JADE1: variants seen among roughly 807,000 people sequenced by gnomAD.
JADE1 encodes jade family PHD finger 1.
A neutral mutation model predicts 81.8 loss-of-function variants in JADE1; 14 were observed. The observed-to-expected ratio is 0.17, with a 90% CI of 0.11 to 0.27. JADE1 has a LOEUF of 0.27. JADE1 is among the 10% of genes least tolerant of loss of function. JADE1 has a pLI of 1.00. For missense variants in JADE1, 690 were observed against 1,047.9 expected (o/e 0.66, Z 4.71); for synonymous variants, 353 against 391.9 (o/e 0.90, Z 1.17).
chr4:128,874,908 C>CTTA lies in JADE1; in HGVS notation c.*2649_*2651dup, dbSNP rs1732459941. 1.3e-5 allele frequency: 2 copies of CTTA among 151,656 alleles called. No homozygotes were observed. Among genetic ancestry groups the CTTA allele is most frequent in the South Asian group, 4.2e-4 (2 of 4,784 alleles). 9.4% of individuals were successfully genotyped at this position (151,656 alleles called of 1,614,324 possible). A position where few individuals can be genotyped will look rare whatever the true frequency, so the allele number is the denominator to read the frequency against. ...AGGGTTTTATGTGTTGTGTACAAAT[C>CTTA]TTATTTTGAAATGGACAAACTTGTC... On this transcript the variant is annotated 3_prime_UTR_variant, in exon 11 of 11. Transcript: ENST00000226319.
chr4:128,834,453 A>T (rs916912343), intron 2 of JADE1, among the ~76,000 whole-genome samples: 1 of 150,004 alleles, frequency 6.7e-6, no homozygotes, highest in African/African-American at 2.5e-5. Context: ...CTGAGATTGG[A>T]GGTTAGGGCT....
intron 2 of JADE1, among the ~76,000 whole-genome samples, chr4:128,835,083 G>A (rs17013765): frequency 0.023 from 3,560 of 152,224 alleles, 124 homozygotes; most frequent in African/African-American, 0.077. Flanking sequence ...TCACAAGTCT[G>A]TACTGGCCTC....
At chr4:128,868,523 CT>C (rs1560782165) in intron 10 of JADE1, among the ~76,000 whole-genome samples, 1 of 152,078 alleles carries the variant, frequency 6.6e-6, no homozygotes, top group Non-Finnish European at 1.5e-5. Flanking sequence ...TATTTAGTGT[CT>C]TCTATTTTAT....
chr4:128,855,266 T>G (rs1730695007), intron 6 of JADE1, among the ~76,000 whole-genome samples: 2 of 152,238 alleles, frequency 1.3e-5, no homozygotes, highest in African/African-American at 2.4e-5. Context: ...TACTGAGGAC[T>G]TACTGCTCAA....
At position 128,871,614 on chromosome 4, in the gene JADE1, A is replaced by G. The variant is rs1385368042; in HGVS notation, c.1881A>G (p.Pro627=). The G allele has an allele frequency of 3.1e-6, 5 of 1,614,250 alleles. No individual in the cohort carries two copies. The South Asian group carries it at 3.3e-5, about 11-fold the overall frequency. Residue 627 remains proline, a synonymous_variant, in exon 11 of 11, where the codon CCA becomes CCG. Coordinates refer to ENST00000226319, the MANE Select transcript of JADE1 (RefSeq NM_199320.4). This position sits in a 1 kb window ranked among gnomAD's most constrained non-coding sequence, Gnocchi z 4.1. ...LCGRREGMVV[P]ESFLGLEKTF... is the part of the protein sequence containing the mutation. ...GTAGAAGGGAGGGGATGGTGGTCCC[A>G]GAGAGCTTTTTGGGTTTAGAAAAGA... is the stretch of plus-strand genomic sequence containing the variant.
rs1196986470 is a variant in JADE1 at position 128,872,858 on chromosome 4, G to A, written c.*596G>A. 2.2e-6 allele frequency: 1 copy of A among 452,012 alleles called. No homozygotes were observed. The highest frequency in any genetic ancestry group is 1.6e-5 in the South Asian group (1 of 64,042). The allele number at this position is 452,012 out of a possible 1,614,324, so 28.0% of individuals were successfully genotyped here. On this transcript the variant is annotated 3_prime_UTR_variant, in exon 11 of 11. Transcript: ENST00000226319. The stretch of plus-strand genomic sequence containing the variant: ...GAGAATTTTAAAAAAGGTCATTATT[G>A]AAGAAGCTGAGGGGACAGGGTAGAG...
At chr4:128,841,647 A>G (rs1729442141) in intron 2 of JADE1, among the ~76,000 whole-genome samples, 1 of 152,198 alleles carries the variant, frequency 6.6e-6, no homozygotes, top group Non-Finnish European at 1.5e-5. Context: ...TCTTATGTGA[A>G]GGTGAAACTG....
intron 9 of JADE1, chr4:128,863,655 G>T: frequency 9.1e-6 from 9 of 985,410 alleles, no homozygotes; most frequent in Non-Finnish European, 1.1e-5. Context: ...AGGCTTTTGT[G>T]CTCCCATACG....
intron 1 of JADE1, among the ~76,000 whole-genome samples, chr4:128,810,639 G>GT (rs1579069135): frequency 6.7e-6 from 1 of 148,200 alleles, no homozygotes; most frequent in East Asian, 2.0e-4. Context: ...GTGTGCGTAG[G>GT]TACATCTGTG....
chr4:128,839,225 C>T (rs1270943537), intron 2 of JADE1, among the ~76,000 whole-genome samples: 1 of 152,116 alleles, frequency 6.6e-6, no homozygotes, highest in Non-Finnish European at 1.5e-5. Flanking sequence ...TTTGGTACAA[C>T]AAGAAAATGA....
rs76122925 is a variant in JADE1, at chr4:128,827,816, T to A, written c.-26-3917T>A. 1,200 of 953,560 alleles carry A rather than the reference T, an allele frequency of 1.3e-3. 15 individuals carry two copies. In the African/African-American group the frequency reaches 0.02, roughly 16 times the overall value. 59.1% of individuals were successfully genotyped at this position (953,560 alleles called of 1,614,324 possible). Reference sequence around the variant, plus strand: ...GGGACTTCAGAGAGTCATAACATTATGAATCAGTAAACCTTGGCAATTGGC... The same window carrying A: ...GGGACTTCAGAGAGTCATAACATTAAGAATCAGTAAACCTTGGCAATTGGC... On this transcript the variant is annotated intron_variant, in intron 1 of 10. Transcript: ENST00000226319.
intron 9 of JADE1, chr4:128,863,550 T>G (rs766011432): frequency 1.1e-5 from 11 of 985,400 alleles, no homozygotes; most frequent in Non-Finnish European, 1.3e-5. Flanking sequence ...GAGTGCCAGC[T>G]TATTTGTGAT....
intron 1 of JADE1, among the ~76,000 whole-genome samples, chr4:128,824,114 T>C (rs551655331): frequency 6.6e-6 from 1 of 152,290 alleles, no homozygotes; most frequent in Admixed American, 6.5e-5. Flanking sequence ...ATTTGAACTA[T>C]GTGAACTTAA....
Position 128,873,806 on chromosome 4 carries a change from A to G in JADE1, c.*1544A>G, listed in dbSNP as rs1732380220. 6.6e-6 allele frequency: 1 copy of G among 152,616 alleles called. No individual in the cohort carries two copies. The highest frequency in any genetic ancestry group is 2.4e-5 in the African/African-American group (1 of 41,460). 9.5% of individuals were successfully genotyped at this position (152,616 alleles called of 1,614,324 possible). A position where few individuals can be genotyped will look rare whatever the true frequency, so the allele number is the denominator to read the frequency against. On this transcript the variant is annotated 3_prime_UTR_variant, in exon 11 of 11. Transcript: ENST00000226319. ...GCAGGGACATTATGATACTTAATGA[A>G]TAATGCTTTGAGGAGTTCTGCAGTT...
intron 4 of JADE1, among the ~76,000 whole-genome samples, chr4:128,847,959 G>A (rs992469140): frequency 6.6e-6 from 1 of 152,112 alleles, no homozygotes; most frequent in Non-Finnish European, 1.5e-5. Context: ...GTTCCAAGTC[G>A]GGAGTGATTT....
chr4:128,812,125 C>CG (rs1375043694), intron 1 of JADE1, among the ~76,000 whole-genome samples: 3 of 151,672 alleles, frequency 2.0e-5, no homozygotes, highest in Non-Finnish European at 4.4e-5. Context: ...GCTGCCGCGG[C>CG]GGGGGGTGGC....
intron 1 of JADE1, chr4:128,811,151 G>A (rs1016290448): frequency 2.0e-5 from 3 of 152,304 alleles, no homozygotes; most frequent in Non-Finnish European, 4.4e-5. Context: ...GAGAGGGATG[G>A]AATGTGGAAT....
chr4:128,825,322 G>A (rs765612477), intron 1 of JADE1, among the ~76,000 whole-genome samples: 62 of 152,296 alleles, frequency 4.1e-4, no homozygotes, highest in Middle Eastern at 3.4e-3. Flanking sequence ...TTACAGGCGT[G>A]AGCCACTGTG....
chr4:128,849,274 C>A, intron 5 of JADE1, 107 bp downstream of exon 5: 1 of 907,058 alleles, frequency 1.1e-6, no homozygotes, highest in South Asian at 1.8e-5. Flanking sequence ...GCAGGCAGCT[C>A]CATCATAGCT....
Sources: gnomAD v4.1 joint callset for allele counts (sites outside exome capture counted in the v4.1 genomes callset) on GRCh38, gnomAD v4.1.1 for gene constraint, Gnocchi (gnomAD v3.1) non-coding constraint, MANE v1.5 for transcripts, NCBI Gene and HGNC (gene_info 2026-07-23, HGNC 2026-07-21) for gene names.